The following DIP2C variants were observed in gnomAD, a reference collection of about 807,000 sequenced individuals.
DIP2C encodes DIP2 acetate--CoA ligase C (putative), also known as disco-interacting protein 2 homolog C.
A neutral mutation model predicts 192.4 loss-of-function variants in DIP2C; 33 were observed. The observed-to-expected ratio is 0.17, with a 90% CI of 0.13 to 0.23. The LOEUF is 0.23. Among genes scored for constraint, DIP2C ranks in the 10% least tolerant of loss-of-function variants. The pLI, the probability that DIP2C is intolerant of heterozygous loss-of-function variation, is 1.00. For synonymous variants in DIP2C, 979 were observed against 864.1 expected (o/e 1.13, Z -2.33); for missense variants, 1,537 against 2,110.1 (o/e 0.73, Z 5.32).
intron 22 of DIP2C, 78 bp downstream of exon 22, chr10:362,412 G>C (rs1959647987): frequency 1.3e-6 from 2 of 1,499,038 alleles, no homozygotes; most frequent in African/African-American, 1.4e-5. Flanking sequence ...AGCCCTGGGT[G>C]AACTCCCGCA....
intron 21 of DIP2C, 27 bp from the exon 22 acceptor site, chr10:362,718 T>C (rs1248138745): frequency 2.5e-6 from 4 of 1,582,190 alleles, no homozygotes; most frequent in Non-Finnish European, 3.4e-6. Context: ...GAGGAAATCA[T>C]GTTATAAGAG....
rs7078215 is a variant in DIP2C, at chr10:586,909, C to T, written c.86-100379G>A. 4.3e-3 allele frequency among the ~76,000 whole-genome samples: 650 copies of T among 152,340 alleles called. 4 individuals carry two copies. Among genetic ancestry groups the T allele is most frequent in the Non-Finnish European group, 7.4e-3 (506 of 68,034 alleles). On this transcript the variant is annotated intron_variant, in intron 1 of 36. Coordinates refer to ENST00000280886, the MANE Select transcript of DIP2C (RefSeq NM_014974.3). ...GACCAGCATGAGTTCTAAGGCCAGA[C>T]CACGTGGGTCCCCACTGACAGCATG... is the stretch of plus-strand genomic sequence containing the variant.
intron 4 of DIP2C, among the ~76,000 whole-genome samples, chr10:424,598 T>C (rs1966451433): frequency 6.6e-6 from 1 of 152,022 alleles, no homozygotes; most frequent in Non-Finnish European, 1.5e-5. Context: ...ACTCCTGACC[T>C]CGTGATTTAC....
intron 26 of DIP2C, among the ~76,000 whole-genome samples, chr10:347,275 C>A (rs997042255): frequency 1.8e-5 from 1 of 56,544 alleles, no homozygotes. Flanking sequence ...AGACACATCA[C>A]GCATAGTTCT....
At chr10:305,255 T>G (rs1352256849) in intron 32 of DIP2C, among the ~76,000 whole-genome samples, 1 of 152,066 alleles carries the variant, frequency 6.6e-6, no homozygotes, top group Admixed American at 6.5e-5. Context: ...ATGTACAAAC[T>G]CATATTCACA....
At chr10:417,652 C>CTGCCTGTGCCTGTCGGCT (rs1564684545) in intron 6 of DIP2C, among the ~76,000 whole-genome samples, 2 of 13,140 alleles carry the variant, frequency 1.5e-4, no homozygotes, top group Admixed American at 1.0e-3. Context: ...GCCTCCCTGT[C>CTGCCTGTGCCTGTCGGCT]CACCTGTTCC....
intron 1 of DIP2C, among the ~76,000 whole-genome samples, chr10:578,586 T>C (rs1850335368): frequency 1.3e-5 from 2 of 152,190 alleles, no homozygotes. Flanking sequence ...CAAATTTCAC[T>C]AGCTTGTAAT....
At chr10:426,109 A>C (rs894842821) in intron 4 of DIP2C, among the ~76,000 whole-genome samples, 1 of 152,242 alleles carries the variant, frequency 6.6e-6, no homozygotes, top group South Asian at 2.1e-4. Context: ...CCTTGGATGT[A>C]GAAAACGGCA....
At chr10:645,310 A>T (rs1445898084) in intron 1 of DIP2C, among the ~76,000 whole-genome samples, 1 of 152,110 alleles carries the variant, frequency 6.6e-6, no homozygotes, top group Non-Finnish European at 1.5e-5. Flanking sequence ...CCCCCTTATC[A>T]AAGTGGCACA....
At chr10:399,291 G>C in intron 9 of DIP2C, 72 bp from the exon 10 acceptor site, 1 of 1,228,480 alleles carries the variant, frequency 8.1e-7, no homozygotes, top group Non-Finnish European at 1.2e-6. Flanking sequence ...GGAAGAGCTT[G>C]GTTCTAGGTG....
At chr10:432,070 G>C (rs1045194444) in intron 4 of DIP2C, among the ~76,000 whole-genome samples, 6 of 151,580 alleles carry the variant, frequency 4.0e-5, no homozygotes, top group Non-Finnish European at 5.9e-5. Flanking sequence ...AATTCCACTT[G>C]GTTTTGGTGC....
intron 31 of DIP2C, among the ~76,000 whole-genome samples, chr10:319,495 G>A (rs1016619696): frequency 1.3e-5 from 2 of 152,088 alleles, no homozygotes; most frequent in Non-Finnish European, 2.9e-5. Context: ...CTACTAGAAG[G>A]AGGATGCAAT....
chr10:414,870 GTGTGTGTGTGTGTGTGTGTGTA>G (rs1965506678), intron 7 of DIP2C, among the ~76,000 whole-genome samples: 1 of 55,244 alleles, frequency 1.8e-5, no homozygotes, highest in African/African-American at 5.7e-5. Flanking sequence ...GTGTGTGTGT[GTGTGTGTGTGTGTGTGTGTGTA>G]TATATATATA....
At chr10:337,686 C>T (rs1201984099) in intron 29 of DIP2C, among the ~76,000 whole-genome samples, 1 of 141,158 alleles carries the variant, frequency 7.1e-6, no homozygotes, top group Non-Finnish European at 1.5e-5. Context: ...TTGTGGAGGC[C>T]TAGGCAGCTG....
chr10:603,794 G>A (rs1300516387), intron 1 of DIP2C, among the ~76,000 whole-genome samples: 1 of 152,150 alleles, frequency 6.6e-6, no homozygotes, highest in Non-Finnish European at 1.5e-5. Flanking sequence ...CTGAAAGTCA[G>A]GAGTCCCAGG....
intron 26 of DIP2C, among the ~76,000 whole-genome samples, chr10:347,818 TCGCG>T (rs1958579468): frequency 7.0e-6 from 1 of 143,046 alleles, no homozygotes; most frequent in Non-Finnish European, 1.5e-5. Flanking sequence ...CCCAGACACA[TCGCG>T]CATAGCTCTC....
intron 8 of DIP2C, 44 bp downstream of exon 8, chr10:413,869 T>A (rs753355177): frequency 6.3e-7 from 1 of 1,587,312 alleles, no homozygotes; most frequent in Non-Finnish European, 8.6e-7. Context: ...GGAGTGGCTG[T>A]GCGAGGGGGT....
At chr10:584,453 C>G (rs924584914) in intron 1 of DIP2C, among the ~76,000 whole-genome samples, 1 of 147,606 alleles carries the variant, frequency 6.8e-6, no homozygotes, top group Non-Finnish European at 1.5e-5. Flanking sequence ...ACGCGCATCA[C>G]CTCTCAATCT....
At position 276,963 on chromosome 10, in the gene DIP2C, G is replaced by T; in HGVS notation, c.*362C>A. ...ATTGTTTAAAAGAACCCATCTGGAGGGCAGGATATTTTTTTAATTGCTATT... is the reference window on the plus strand; with the variant it reads ...ATTGTTTAAAAGAACCCATCTGGAGTGCAGGATATTTTTTTAATTGCTATT... On this transcript the variant is annotated 3_prime_UTR_variant, in exon 37 of 37. Coordinates refer to ENST00000280886, the MANE Select transcript of DIP2C (RefSeq NM_014974.3). The T allele has an allele frequency of 4.7e-6, 1 of 214,740 alleles. No individual in the cohort carries two copies. The highest frequency in any genetic ancestry group is 5.2e-5 in the Admixed American group (1 of 19,208). 13.3% of individuals were successfully genotyped at this position (214,740 alleles called of 1,614,324 possible).
Sources: allele counts gnomAD v4.1 joint callset (sites outside exome capture counted in the v4.1 genomes callset), GRCh38; gene constraint gnomAD v4.1.1; transcripts MANE v1.5; gene names NCBI Gene and HGNC (gene_info 2026-07-23, HGNC 2026-07-21).